The following SYT14 variants were observed in gnomAD, a reference collection of about 807,000 sequenced individuals.
SYT14 encodes synaptotagmin-14.
Under a neutral mutation model 74.2 loss-of-function variants are expected in SYT14, and 32 were observed. The ratio of observed to expected loss-of-function variants is 0.43; its 90% CI spans 0.33 to 0.58. The LOEUF is 0.58. SYT14 is among the 20% of genes least tolerant of loss of function. The pLI, the probability that SYT14 is intolerant of heterozygous loss-of-function variation, is 0.05. For synonymous variants in SYT14, 298 were observed against 337.7 expected (o/e 0.88, Z 1.29); for missense variants, 791 against 981.8 (o/e 0.81, Z 2.60).
chr1:210,143,221 G>T (rs1411211714), intron 7 of SYT14, among the ~76,000 whole-genome samples: 1 of 152,124 alleles, frequency 6.6e-6, no homozygotes, highest in Non-Finnish European at 1.5e-5. Context: ...CATTAGAAGT[G>T]TAATTTTAAA....
chr1:210,040,557 A>C (rs2080767277), intron 5 of SYT14, among the ~76,000 whole-genome samples: 1 of 152,118 alleles, frequency 6.6e-6, no homozygotes, highest in African/African-American at 2.4e-5. Flanking sequence ...CTCTACATAG[A>C]TGTTTATACA....
At chr1:210,069,209 G>C (rs370225803) in intron 5 of SYT14, among the ~76,000 whole-genome samples, 1 of 151,660 alleles carries the variant, frequency 6.6e-6, no homozygotes, top group African/African-American at 2.4e-5. Context: ...GTGTGTCAAG[G>C]GGATTAATAT....
intron 7 of SYT14, among the ~76,000 whole-genome samples, chr1:210,128,173 G>A (rs559055400): frequency 6.6e-5 from 10 of 152,122 alleles, no homozygotes; most frequent in Non-Finnish European, 1.0e-4. Flanking sequence ...AGAAGTTCGA[G>A]ACCAACCTGG....
At chr1:210,116,634 A>C (rs953373489) in intron 7 of SYT14, among the ~76,000 whole-genome samples, 3 of 152,254 alleles carry the variant, frequency 2.0e-5, no homozygotes, top group African/African-American at 7.2e-5. Flanking sequence ...GGCATGAGCC[A>C]CCATGCCCAT....
chr1:210,143,813 A>C (rs1244600622), intron 7 of SYT14, among the ~76,000 whole-genome samples: 1 of 152,154 alleles, frequency 6.6e-6, no homozygotes, highest in Non-Finnish European at 1.5e-5. Flanking sequence ...TAACTCAAAA[A>C]AGTAAGGCAG....
intron 5 of SYT14, among the ~76,000 whole-genome samples, chr1:210,055,879 C>T (rs2081086976): frequency 6.6e-6 from 1 of 152,050 alleles, no homozygotes; most frequent in Non-Finnish European, 1.5e-5. Context: ...TTCTCAGTTA[C>T]CATCTCCAGT....
At chr1:210,112,058 A>C (rs2082273164) in intron 7 of SYT14, among the ~76,000 whole-genome samples, 1 of 151,292 alleles carries the variant, frequency 6.6e-6, no homozygotes, top group Admixed American at 6.6e-5. Flanking sequence ...ATCAGACTGT[A>C]CAGAGGTGGG....
intron 5 of SYT14, among the ~76,000 whole-genome samples, chr1:210,080,145 AGT>A (rs1242018322): frequency 2.0e-5 from 3 of 152,226 alleles, no homozygotes. Flanking sequence ...AGGATAATTC[AGT>A]GAATTTAAAG....
intron 5 of SYT14, among the ~76,000 whole-genome samples, chr1:210,023,426 C>T (rs183557888): frequency 6.6e-6 from 1 of 152,312 alleles, no homozygotes; most frequent in Non-Finnish European, 1.5e-5. Flanking sequence ...TCACTGCAAC[C>T]TCTGCCTCTT....
intron 5 of SYT14, among the ~76,000 whole-genome samples, chr1:210,084,640 A>T (rs1468583534): frequency 1.3e-5 from 2 of 152,234 alleles, no homozygotes; most frequent in African/African-American, 4.8e-5. Context: ...AAAGCAGGTC[A>T]GTAAATGTAT....
chr1:210,116,634 A>G (rs953373489), intron 7 of SYT14, among the ~76,000 whole-genome samples: 1 of 152,254 alleles, frequency 6.6e-6, no homozygotes, highest in Non-Finnish European at 1.5e-5. Flanking sequence ...GGCATGAGCC[A>G]CCATGCCCAT....
At chr1:210,014,739 C>T (rs1479868180) in intron 3 of SYT14, among the ~76,000 whole-genome samples, 2 of 152,026 alleles carry the variant, frequency 1.3e-5, no homozygotes, top group African/African-American at 4.8e-5. Flanking sequence ...TGGTTAAGTT[C>T]AGTGTTTCTC....
chr1:210,121,178 G>A (rs1384178940), intron 7 of SYT14, among the ~76,000 whole-genome samples: 1 of 152,142 alleles, frequency 6.6e-6, no homozygotes, highest in African/African-American at 2.4e-5. Context: ...GAGGATTAAA[G>A]GAGTTAGTCC....
At chr1:210,115,300 A>G (rs987587617) in intron 7 of SYT14, among the ~76,000 whole-genome samples, 1 of 151,138 alleles carries the variant, frequency 6.6e-6, no homozygotes, top group East Asian at 1.9e-4. Context: ...AAGGTTGTCT[A>G]TAGTGAAGGA....
chr1:210,143,585 A>G (rs903227273), intron 7 of SYT14, among the ~76,000 whole-genome samples: 2 of 152,150 alleles, frequency 1.3e-5, no homozygotes, highest in African/African-American at 4.8e-5. Flanking sequence ...CCAGACTACT[A>G]GAGAGTTACT....
chr1:210,030,908 GTTTGTTTTGTTTTGT>G (rs10650636), intron 5 of SYT14, among the ~76,000 whole-genome samples: 51,637 of 148,804 alleles, frequency 0.35, 9,828 homozygotes, highest in Non-Finnish European at 0.42. Flanking sequence ...GCAGTGTTTT[GTTTGTTTTGTTTTGT>G]TTTGTTTTGT....
chr1:210,122,433 T>C (rs1224256480), intron 7 of SYT14, among the ~76,000 whole-genome samples: 1 of 152,214 alleles, frequency 6.6e-6, no homozygotes, highest in Non-Finnish European at 1.5e-5. Flanking sequence ...TTGGTTGTCA[T>C]GGCAGAGAGC....
intron 5 of SYT14, among the ~76,000 whole-genome samples, chr1:210,053,229 T>A (rs1572219326): frequency 6.6e-6 from 1 of 152,324 alleles, no homozygotes; most frequent in South Asian, 2.1e-4. Flanking sequence ...CCACTGTAAT[T>A]TTATTTTTGA....
exon 10 of SYT14, chr1:210,165,935 T>C (rs922912867): frequency 6.6e-6 from 1 of 152,244 alleles, no homozygotes; most frequent in Non-Finnish European, 1.5e-5. Flanking sequence ...TGTGTTGTTG[T>C]TCCAAGTGCT....
Sources: gnomAD v4.1 joint callset for allele counts (sites outside exome capture counted in the v4.1 genomes callset) on GRCh38, gnomAD v4.1.1 for gene constraint, MANE v1.5 for transcripts, NCBI Gene and HGNC (gene_info 2026-07-23, HGNC 2026-07-21) for gene names.